MCPH1: variants seen among roughly 807,000 people sequenced by gnomAD.
The protein encoded by MCPH1 is microcephalin.
In MCPH1, 104 loss-of-function variants were observed where a neutral mutation model predicts 84.5. The observed-to-expected ratio is 1.23, with a 90% CI of 1.05 to 1.45. MCPH1 has a LOEUF of 1.45. MCPH1 is among the 40% of genes most tolerant of loss of function. MCPH1 has a pLI of 0.00. For synonymous variants in MCPH1, 514 were observed against 366.8 expected, an observed-to-expected ratio of 1.40 and a Z score of -4.58; for missense variants, 1,498 against 1,005.7, an observed-to-expected ratio of 1.49 and a Z score of -6.62.
At chr8:6,438,602 A>G (rs918320380) in intron 5 of MCPH1, among the ~76,000 whole-genome samples, 4 of 152,216 alleles carry the variant, frequency 2.6e-5, no homozygotes, top group African/African-American at 9.7e-5. Context: ...CAAGAAACAG[A>G]AACTAAATTG....
intron 9 of MCPH1, among the ~76,000 whole-genome samples, chr8:6,465,704 G>A (rs562121142): frequency 3.3e-5 from 5 of 152,238 alleles, no homozygotes; most frequent in Non-Finnish European, 7.4e-5. Context: ...CAAACCTTAC[G>A]GCTTATTTCC....
At chr8:6,468,522 T>C (rs1474345705) in intron 9 of MCPH1, among the ~76,000 whole-genome samples, 2 of 152,076 alleles carry the variant, frequency 1.3e-5, no homozygotes, top group African/African-American at 2.4e-5. Context: ...GTAGACCCCA[T>C]GGGAGCTTTA....
At chr8:6,442,632 T>G (rs1803684497) in intron 7 of MCPH1, among the ~76,000 whole-genome samples, 1 of 152,222 alleles carries the variant, frequency 6.6e-6, no homozygotes, top group African/African-American at 2.4e-5. Context: ...GTTAGTTCCA[T>G]GTTACGCACA....
rs1259888150 is a variant in MCPH1 at position 6,418,883 on chromosome 8, A to AT, written c.233+4010dup. Among the ~76,000 whole-genome samples the AT allele has an allele frequency of 4.3e-3, 652 of 150,454 alleles. 5 individuals are homozygous for AT. Among genetic ancestry groups the AT allele is most frequent in the African/African-American group, 0.015 (621 of 40,990 alleles). ...GCGTGAGCCACAGCGCCCGGCCAGGATTTTTTTTTTAAGACTCATGGCTTT... is the reference window on the plus strand; with the variant it reads ...GCGTGAGCCACAGCGCCCGGCCAGGATTTTTTTTTTTAAGACTCATGGCTTT... On this transcript the variant is annotated intron_variant, in intron 3 of 13. Coordinates refer to ENST00000344683, the MANE Select transcript of MCPH1 (RefSeq NM_024596.5).
intron 12 of MCPH1, among the ~76,000 whole-genome samples, chr8:6,509,249 C>T (rs769021197): frequency 6.6e-6 from 1 of 152,200 alleles, no homozygotes; most frequent in Non-Finnish European, 1.5e-5. Context: ...TCAAATCCTT[C>T]AGCAAAGAGG....
chr8:6,518,144 G>C (rs1435026863), intron 12 of MCPH1, among the ~76,000 whole-genome samples: 1 of 152,162 alleles, frequency 6.6e-6, no homozygotes, highest in Non-Finnish European at 1.5e-5. Context: ...AAACATAGAT[G>C]AAACAATGTG....
At chr8:6,625,485 AT>A in intron 13 of MCPH1, 1 of 985,234 alleles carries the variant, frequency 1.0e-6, no homozygotes, top group Non-Finnish European at 1.2e-6. Context: ...AAAACTAGGA[AT>A]ATATCAAACC....
chr8:6,512,852 A>G lies in MCPH1; in HGVS notation c.2214+12923A>G, dbSNP rs182057766. 1.6e-3 allele frequency among the ~76,000 whole-genome samples: 237 copies of G among 152,318 alleles called. 1 individual carries two copies. The highest frequency in any genetic ancestry group is 2.8e-3 in the Non-Finnish European group (190 of 68,022). ...CCAGGGAATGCTGTGAATCTGATGT[A>G]TTTCCTGTAGAGGAGAGCAGAGTTG... On this transcript the variant is annotated intron_variant, in intron 12 of 13. Coordinates refer to ENST00000344683, the MANE Select transcript of MCPH1 (RefSeq NM_024596.5).
intron 12 of MCPH1, among the ~76,000 whole-genome samples, chr8:6,579,810 G>C (rs1355461754): frequency 6.6e-6 from 1 of 152,162 alleles, no homozygotes; most frequent in African/African-American, 2.4e-5. Flanking sequence ...GGAAACTGAG[G>C]CTTTCTCGTT....
At chr8:6,529,035 C>G (rs1818934747) in intron 12 of MCPH1, among the ~76,000 whole-genome samples, 1 of 152,170 alleles carries the variant, frequency 6.6e-6, no homozygotes, top group South Asian at 2.1e-4. Context: ...AAAATTGTGT[C>G]CTGTTTAATT....
chr8:6,487,052 G>C (rs1034995000), intron 11 of MCPH1, among the ~76,000 whole-genome samples: 6 of 152,224 alleles, frequency 3.9e-5, no homozygotes, highest in African/African-American at 1.2e-4. Flanking sequence ...GTCCAGCACA[G>C]TGAGGAATAA....
At chr8:6,579,078 T>C (rs1054322829) in intron 12 of MCPH1, among the ~76,000 whole-genome samples, 1 of 152,226 alleles carries the variant, frequency 6.6e-6, no homozygotes, top group South Asian at 2.1e-4. Flanking sequence ...TATTGAGAAC[T>C]GCACCAGACT....
intron 13 of MCPH1, chr8:6,624,951 C>T (rs972363636): frequency 1.3e-6 from 1 of 751,488 alleles, no homozygotes; most frequent in Non-Finnish European, 1.6e-6. Flanking sequence ...TCTCAGCTCA[C>T]TGCAACCTTC....
At chr8:6,474,203 C>A in intron 9 of MCPH1, 1 of 692,190 alleles carries the variant, frequency 1.4e-6, no homozygotes, top group South Asian at 1.6e-5. Flanking sequence ...TAAAATGGGA[C>A]AATTATACTC....
In MCPH1 at chr8:6,605,905, C is replaced by T. The variant is rs1563179470; in HGVS notation, c.2215-15549C>T. Among the ~76,000 whole-genome samples the T allele has an allele frequency of 2.6e-5, 4 of 152,248 alleles. No individual in the cohort carries two copies. In the South Asian group the frequency reaches 8.3e-4, roughly 32 times the overall value. On this transcript the variant is annotated intron_variant, in intron 12 of 13. Coordinates refer to ENST00000344683, the MANE Select transcript of MCPH1 (RefSeq NM_024596.5). ...TAAAGATGGGTTTCTCCATGTTGGC[C>T]AGGCTGGTCTCGAATGCCTGACCTC...
At chr8:6,417,934 G>A (rs1799552813) in intron 3 of MCPH1, among the ~76,000 whole-genome samples, 1 of 152,198 alleles carries the variant, frequency 6.6e-6, no homozygotes, top group Non-Finnish European at 1.5e-5. Flanking sequence ...AAGAGCATGA[G>A]GTTTTTGTTT....
chr8:6,463,611 G>T (rs551558830), intron 9 of MCPH1, among the ~76,000 whole-genome samples: 1 of 152,186 alleles, frequency 6.6e-6, no homozygotes, highest in Non-Finnish European at 1.5e-5. Flanking sequence ...TGCCCAGAGG[G>T]TGGGAAAGGC....
At chr8:6,412,884 G>A (rs2129551316) in intron 2 of MCPH1, among the ~76,000 whole-genome samples, 2 of 152,302 alleles carry the variant, frequency 1.3e-5, no homozygotes, top group South Asian at 4.1e-4. Flanking sequence ...AACGGGCAGT[G>A]CCATGAAATT....
intron 12 of MCPH1, among the ~76,000 whole-genome samples, chr8:6,618,041 G>C (rs774295817): frequency 1.3e-5 from 2 of 152,002 alleles, no homozygotes; most frequent in Non-Finnish European, 2.9e-5. Context: ...CAAAGTGCTG[G>C]GATTACAGGT....
Sources: allele counts gnomAD v4.1 joint callset (sites outside exome capture counted in the v4.1 genomes callset), GRCh38; gene constraint gnomAD v4.1.1; transcripts MANE v1.5; gene names NCBI Gene and HGNC (gene_info 2026-07-23, HGNC 2026-07-21).